Variants in HMG20A observed in about 807,000 individuals in gnomAD.
HMG20A encodes the protein high mobility group 20A, also known as high mobility group protein 20A.
A neutral mutation model predicts 43.9 loss-of-function variants in HMG20A; 17 were observed. The observed-to-expected ratio is 0.39, with a 90% confidence interval of 0.27 to 0.58. The LOEUF (loss-of-function observed/expected upper bound fraction) is 0.58. Ranked by LOEUF, HMG20A falls within the 20% of genes least tolerant of loss-of-function variation. HMG20A has a pLI of 0.59. For synonymous variants in HMG20A, 132 were observed against 147.5 expected, an observed-to-expected ratio of 0.89 and a Z score of 0.76; for missense variants, 341 against 438.2, an observed-to-expected ratio of 0.78 and a Z score of 1.98.
the HMG20A span, among the ~76,000 whole-genome samples, chr15:77,511,065 A>G: frequency 2.0e-5 from 3 of 152,246 alleles, no homozygotes; most frequent in Admixed American, 2.0e-4. Context: ...CCGTGGATTC[A>G]GGAGACTGGC....
chr15:77,487,558 G>A (rs770231345), downstream of HMG20A, among the ~76,000 whole-genome samples: 38 of 152,116 alleles, frequency 2.5e-4, no homozygotes, highest in Non-Finnish European at 4.6e-4. Context: ...ACAACAGCTG[G>A]TGGCCAGTCT....
intron 4 of HMG20A, among the ~76,000 whole-genome samples, chr15:77,468,975 A>G (rs1023898510): frequency 6.6e-6 from 1 of 152,000 alleles, no homozygotes; most frequent in East Asian, 1.9e-4. Context: ...TTTAAAATAC[A>G]GTTCCCTTCT....
At chr15:77,422,717 G>C (rs62007301) in intron 1 of HMG20A, among the ~76,000 whole-genome samples, 1 of 152,074 alleles carries the variant, frequency 6.6e-6, no homozygotes, top group South Asian at 2.1e-4. Flanking sequence ...TTAATCTTCT[G>C]TGGTCACTTT....
the HMG20A span, among the ~76,000 whole-genome samples, chr15:77,508,139 G>A: frequency 6.6e-6 from 1 of 152,160 alleles, no homozygotes; most frequent in Non-Finnish European, 1.5e-5. Context: ...AGGTTGGGAG[G>A]AGGGACGGGG....
At chr15:77,446,533 T>C (rs1403159854) in intron 1 of HMG20A, among the ~76,000 whole-genome samples, 1 of 152,040 alleles carries the variant, frequency 6.6e-6, no homozygotes, top group Non-Finnish European at 1.5e-5. Flanking sequence ...TGTGGCTGGG[T>C]GCGGTGGCTC....
chr15:77,502,451 C>T, the HMG20A span, among the ~76,000 whole-genome samples: 68 of 152,328 alleles, frequency 4.5e-4, no homozygotes, highest in African/African-American at 1.4e-3. Context: ...CTAGAATCTT[C>T]CTTGTCTCCT....
At chr15:77,501,708 T>G in the HMG20A span, among the ~76,000 whole-genome samples, 1 of 152,216 alleles carries the variant, frequency 6.6e-6, no homozygotes, top group African/African-American at 2.4e-5. Flanking sequence ...GCCTAACAAT[T>G]GACTCCCAGG....
At chr15:77,446,436 C>T (rs572028249) in intron 1 of HMG20A, among the ~76,000 whole-genome samples, 4 of 152,064 alleles carry the variant, frequency 2.6e-5, no homozygotes, top group African/African-American at 7.2e-5. Flanking sequence ...AAAAAAAACT[C>T]GTGTCTCCTC....
the HMG20A span, among the ~76,000 whole-genome samples, chr15:77,507,887 G>A: frequency 6.6e-6 from 1 of 150,648 alleles, no homozygotes; most frequent in Non-Finnish European, 1.5e-5. Flanking sequence ...TGGGGGGGCG[G>A]TGCTGAGCGT....
At chr15:77,440,366 A>C (rs2073598796) in intron 1 of HMG20A, among the ~76,000 whole-genome samples, 1 of 152,230 alleles carries the variant, frequency 6.6e-6, no homozygotes, top group South Asian at 2.1e-4. Context: ...ATGGATAGAA[A>C]TGTACTGTTT....
chr15:77,506,051 C>G, the HMG20A span, among the ~76,000 whole-genome samples: 34 of 149,490 alleles, frequency 2.3e-4, no homozygotes, highest in Admixed American at 1.8e-3. Flanking sequence ...TCTACCCCCC[C>G]ACCTAGGGTT....
At chr15:77,482,829 T>G (rs1247679059) in intron 9 of HMG20A, 141 bp from the exon 10 acceptor site, 1 of 152,238 alleles carries the variant, frequency 6.6e-6, no homozygotes, top group East Asian at 1.9e-4. Flanking sequence ...ACATACACCC[T>G]GCACTCACTT....
chr15:77,455,937 T>A (rs1357441092), intron 1 of HMG20A, among the ~76,000 whole-genome samples: 3 of 152,200 alleles, frequency 2.0e-5, no homozygotes, highest in Admixed American at 2.0e-4. Flanking sequence ...CCTTTGGGTT[T>A]CACTGCACTT....
chr15:77,514,954 G>A, the HMG20A span, among the ~76,000 whole-genome samples: 3 of 152,176 alleles, frequency 2.0e-5, no homozygotes, highest in Non-Finnish European at 4.4e-5. Flanking sequence ...TGGGGCAAGG[G>A]ATATACAAGG....
chr15:77,425,469 A>G (rs892764786), intron 1 of HMG20A, among the ~76,000 whole-genome samples: 1 of 152,218 alleles, frequency 6.6e-6, no homozygotes, highest in African/African-American at 2.4e-5. Flanking sequence ...CTATAAAATG[A>G]AAGAGTGAAT....
At chr15:77,448,224 G>A (rs947855650) in intron 1 of HMG20A, among the ~76,000 whole-genome samples, 1 of 152,066 alleles carries the variant, frequency 6.6e-6, no homozygotes, top group Non-Finnish European at 1.5e-5. Context: ...TCTTAAAATA[G>A]CAGCCAGAAT....
chr15:77,461,070 C>T (rs1015350507), intron 2 of HMG20A, among the ~76,000 whole-genome samples: 20 of 151,732 alleles, frequency 1.3e-4, no homozygotes, highest in African/African-American at 4.6e-4. Context: ...CGCAGAAAAG[C>T]CAGAAGAGTG....
chr15:77,436,651 A>T (rs188716660), intron 1 of HMG20A, among the ~76,000 whole-genome samples: 1 of 151,404 alleles, frequency 6.6e-6, no homozygotes, highest in African/African-American at 2.4e-5. Context: ...TAGAGACTGG[A>T]TCTCACCATG....
chr15:77,433,744 TAGAG>T (rs939883953), intron 1 of HMG20A, among the ~76,000 whole-genome samples: 10 of 152,206 alleles, frequency 6.6e-5, no homozygotes, highest in African/African-American at 9.6e-5. Context: ...CTATAAAACA[TAGAG>T]AGAAACAAGA....
Sources: gnomAD v4.1 joint callset for allele counts (sites outside exome capture counted in the v4.1 genomes callset) on GRCh38, gnomAD v4.1.1 for gene constraint, MANE v1.5 for transcripts, NCBI Gene and HGNC (gene_info 2026-07-23, HGNC 2026-07-21) for gene names.